NTM: variants seen among roughly 807,000 people sequenced by gnomAD.
The protein encoded by NTM is neurotrimin, also known as IgLON family member 2.
NTM carries 13 observed loss-of-function variants against 42.1 expected under a neutral mutation model. That is an observed-to-expected ratio of 0.31 (90% confidence interval 0.20 to 0.49). The LOEUF (loss-of-function observed/expected upper bound fraction) is 0.49, where lower values mean the gene tolerates loss of function less well. Among genes scored for constraint, NTM ranks in the 20% least tolerant of loss-of-function variants. The pLI is 0.99. For synonymous variants in NTM, 187 were observed against 179.2 expected, an observed-to-expected ratio of 1.04 and a Z score of -0.35; for missense variants, 373 against 452.8, an observed-to-expected ratio of 0.82 and a Z score of 1.60.
chr11:131,493,609 G>A (rs184241815), intron 1 of NTM, among the ~76,000 whole-genome samples: 14 of 152,262 alleles, frequency 9.2e-5, no homozygotes, highest in Admixed American at 9.2e-4. Context: ...GGTAACTCAC[G>A]TGTATTACAT....
Position 131,996,743 on chromosome 11 carries a change from A to G in NTM, c.167+85095A>G, listed in dbSNP as rs77619184. On this transcript the variant is annotated intron_variant, in intron 2 of 8. Transcript: ENST00000683400. Reference sequence around the variant, plus strand: ...TTCCTGGAAGCATGAGTGATTAAGGAGGAATCATTGCCAGTTCGGTGTCAT... The same window carrying G: ...TTCCTGGAAGCATGAGTGATTAAGGGGGAATCATTGCCAGTTCGGTGTCAT... Among the ~76,000 whole-genome samples the G allele has an allele frequency of 7.1e-3, 1,086 of 152,202 alleles. 17 individuals carry two copies. Among genetic ancestry groups the G allele is most frequent in the African/African-American group, 0.025 (1,025 of 41,540 alleles).
intron 1 of NTM, among the ~76,000 whole-genome samples, chr11:131,590,549 C>A (rs1014477720): frequency 6.6e-6 from 1 of 152,204 alleles, no homozygotes; most frequent in Non-Finnish European, 1.5e-5. Flanking sequence ...GTGTCCCCTG[C>A]ACGACAAGAG....
intron 1 of NTM, among the ~76,000 whole-genome samples, chr11:131,458,232 C>A (rs1207510389): frequency 1.3e-5 from 2 of 152,150 alleles, no homozygotes; most frequent in Non-Finnish European, 2.9e-5. Context: ...GAGCAATCAA[C>A]AGTACAAGTG....
At chr11:131,705,068 T>A (rs1445529709) in intron 1 of NTM, among the ~76,000 whole-genome samples, 2 of 152,102 alleles carry the variant, frequency 1.3e-5, no homozygotes, top group Non-Finnish European at 2.9e-5. Context: ...TTTAAAGACA[T>A]AATGACAAAA....
At chr11:131,500,126 C>T (rs451304) in intron 1 of NTM, among the ~76,000 whole-genome samples, 47,195 of 152,050 alleles carry the variant, frequency 0.31, 7,589 homozygotes, top group African/African-American at 0.37. Context: ...TCAGTGGCCA[C>T]GGGCTCCAAA....
At chr11:132,306,957 C>T (rs552478804) in intron 4 of NTM, among the ~76,000 whole-genome samples, 5 of 152,238 alleles carry the variant, frequency 3.3e-5, no homozygotes, top group Admixed American at 2.6e-4. Flanking sequence ...CATAATTTTT[C>T]ACTGAAGACA....
At chr11:131,695,183 C>A (rs1269448071) in intron 1 of NTM, among the ~76,000 whole-genome samples, 2 of 40,658 alleles carry the variant, frequency 4.9e-5, no homozygotes, top group Non-Finnish European at 8.6e-5. Context: ...AAAGAAAAAT[C>A]TCTGTGACGA....
At chr11:131,711,362 CA>C (rs2077107321) in intron 1 of NTM, among the ~76,000 whole-genome samples, 1 of 151,998 alleles carries the variant, frequency 6.6e-6, no homozygotes, top group Non-Finnish European at 1.5e-5. Flanking sequence ...TTTATGCAGC[CA>C]AAAAACACAT....
At chr11:132,211,979 G>A (rs3824870) in intron 3 of NTM, 43 bp from the exon 4 acceptor site, 362,794 of 1,585,062 alleles carry the variant, frequency 0.23, 44,231 homozygotes, top group African/African-American at 0.37. Flanking sequence ...ACTAAGAAAT[G>A]TTTCAGGAGG....
At chr11:131,688,268 G>T (rs55895514) in intron 1 of NTM, among the ~76,000 whole-genome samples, 5 of 152,098 alleles carry the variant, frequency 3.3e-5, no homozygotes, top group Admixed American at 1.3e-4. Context: ...CTCCAGACAG[G>T]GGGGAAAGCA....
At chr11:131,699,318 G>T (rs1234103404) in intron 1 of NTM, among the ~76,000 whole-genome samples, 1 of 152,136 alleles carries the variant, frequency 6.6e-6, no homozygotes, top group Admixed American at 6.5e-5. Flanking sequence ...ACTGTGCCAG[G>T]TCCTAGGACT....
chr11:131,463,368 C>A (rs1308716100), intron 1 of NTM, among the ~76,000 whole-genome samples: 1 of 152,146 alleles, frequency 6.6e-6, no homozygotes, highest in Non-Finnish European at 1.5e-5. Flanking sequence ...AGGGTAGCAC[C>A]CAGCTCTGCC....
chr11:131,675,888 G>C (rs78192986), intron 1 of NTM, among the ~76,000 whole-genome samples: 4,916 of 152,246 alleles, frequency 0.032, 267 homozygotes, highest in African/African-American at 0.11. Flanking sequence ...AAGCCCAGAC[G>C]TCTGCTTGAC....
chr11:131,931,168 C>T (rs148294014), intron 2 of NTM, among the ~76,000 whole-genome samples: 40 of 152,150 alleles, frequency 2.6e-4, no homozygotes, highest in African/African-American at 8.9e-4. Context: ...GGTTCCTAGG[C>T]CAGGTGTGGT....
intron 1 of NTM, among the ~76,000 whole-genome samples, chr11:131,451,004 C>T (rs1393280941): frequency 1.3e-5 from 2 of 151,934 alleles, no homozygotes; most frequent in Non-Finnish European, 2.9e-5. Flanking sequence ...CAAGTTATGC[C>T]CATTTCACAC....
chr11:131,762,925 T>C (rs2084458827), intron 1 of NTM, among the ~76,000 whole-genome samples: 1 of 152,206 alleles, frequency 6.6e-6, no homozygotes, highest in African/African-American at 2.4e-5. Flanking sequence ...GCCATGTGCT[T>C]ATTCATGCTG....
chr11:131,910,287 C>G (rs2054521740), intron 1 of NTM, among the ~76,000 whole-genome samples: 1 of 152,170 alleles, frequency 6.6e-6, no homozygotes, highest in Non-Finnish European at 1.5e-5. Context: ...GTGTTCCTTT[C>G]CCAGTTAATT....
In NTM at chr11:131,918,235, ATGC is replaced by A. The variant is rs567496468; in HGVS notation, c.167+6590_167+6592del. On this transcript the variant is annotated intron_variant, in intron 2 of 8. Transcript: ENST00000683400. ...TGTGAGCCCTCACTTGGGGCTATGC[ATGC>A]TGAAGGAAAGGCCATGTTTCCCTAA... Among the ~76,000 whole-genome samples, 7 of 152,266 alleles carry A rather than the reference ATGC, an allele frequency of 4.6e-5. No homozygotes were observed. In the East Asian group the frequency reaches 1.4e-3, roughly 29 times the overall value.
intron 2 of NTM, among the ~76,000 whole-genome samples, chr11:132,090,332 C>T (rs540561484): frequency 7.0e-4 from 106 of 152,206 alleles, no homozygotes; most frequent in East Asian, 2.7e-3. Context: ...GTTAGGCCCA[C>T]GAAAAAGCTG....
Sources: allele counts gnomAD v4.1 joint callset (sites outside exome capture counted in the v4.1 genomes callset), GRCh38; gene constraint gnomAD v4.1.1; transcripts MANE v1.5; gene names NCBI Gene and HGNC (gene_info 2026-07-23, HGNC 2026-07-21).